GALNT17: variants seen among roughly 807,000 people sequenced by gnomAD.
The protein encoded by GALNT17 is polypeptide N-acetylgalactosaminyltransferase 17, also known as UDP-GalNAc:polypeptide N-acetylgalactosaminyltransferase-like 3.
A neutral mutation model predicts 63.7 loss-of-function variants in GALNT17; 29 were observed. The ratio of observed to expected loss-of-function variants is 0.46; its 90% confidence interval spans 0.34 to 0.62. The LOEUF (loss-of-function observed/expected upper bound fraction) is 0.62, where lower values mean the gene tolerates loss of function less well. GALNT17 is among the 20% of genes least tolerant of loss of function. GALNT17 has a pLI of 0.01. For missense variants in GALNT17, 603 were observed against 799.6 expected, an observed-to-expected ratio of 0.75 and a Z score of 2.97; for synonymous variants, 305 against 318.3, an observed-to-expected ratio of 0.96 and a Z score of 0.45.
intron 9 of GALNT17, among the ~76,000 whole-genome samples, chr7:71,703,017 G>A (rs776812423): frequency 2.0e-5 from 3 of 152,140 alleles, no homozygotes; most frequent in Non-Finnish European, 2.9e-5. Context: ...TACAAAGTTG[G>A]AATTGAGAGA....
intron 9 of GALNT17, among the ~76,000 whole-genome samples, chr7:71,686,472 C>T (rs944099825): frequency 4.6e-5 from 7 of 152,224 alleles, no homozygotes; most frequent in African/African-American, 1.7e-4. Flanking sequence ...CCTTGAACTC[C>T]TGGGCTCAAG....
At chr7:71,206,136 G>GTA (rs55959718) in intron 1 of GALNT17, among the ~76,000 whole-genome samples, 7 of 147,466 alleles carry the variant, frequency 4.7e-5, no homozygotes, top group South Asian at 2.1e-4. Context: ...GTTTGTGTGT[G>GTA]TATATATATA....
intron 5 of GALNT17, among the ~76,000 whole-genome samples, chr7:71,492,861 G>A (rs1788033474): frequency 6.6e-6 from 1 of 152,146 alleles, no homozygotes; most frequent in Non-Finnish European, 1.5e-5. Context: ...GAGTTTGGGG[G>A]TGGATTATGA....
intron 1 of GALNT17, among the ~76,000 whole-genome samples, chr7:71,202,156 T>C (rs1789186522): frequency 1.3e-5 from 2 of 152,196 alleles, no homozygotes; most frequent in African/African-American, 2.4e-5. Flanking sequence ...GCATTTTACA[T>C]AAAACAATAT....
chr7:71,710,679 C>T (rs978987582), intron 9 of GALNT17, 82 bp from the exon 10 acceptor site: 13 of 1,510,856 alleles, frequency 8.6e-6, no homozygotes, highest in African/African-American at 5.5e-5. Context: ...GGAGTAAAGC[C>T]GAGAGACCTG....
intron 5 of GALNT17, among the ~76,000 whole-genome samples, chr7:71,570,593 C>A (rs1336326249): frequency 2.0e-5 from 3 of 152,138 alleles, no homozygotes; most frequent in Non-Finnish European, 4.4e-5. Context: ...GGGACCGCTT[C>A]CTATGTGTGC....
At chr7:71,394,311 A>G (rs1472391037) in intron 3 of GALNT17, among the ~76,000 whole-genome samples, 1 of 152,118 alleles carries the variant, frequency 6.6e-6, no homozygotes, top group Non-Finnish European at 1.5e-5. Context: ...TTCCATAAGA[A>G]TGGCACCAAG....
intron 1 of GALNT17, among the ~76,000 whole-genome samples, chr7:71,175,100 CTG>C (rs967254985): frequency 9.9e-5 from 15 of 152,234 alleles, no homozygotes; most frequent in Non-Finnish European, 1.9e-4. Flanking sequence ...ATCCATCAGT[CTG>C]TCTGTCCGTC....
intron 6 of GALNT17, among the ~76,000 whole-genome samples, chr7:71,575,682 C>T (rs918676303): frequency 1.3e-5 from 2 of 152,086 alleles, no homozygotes; most frequent in Non-Finnish European, 2.9e-5. Flanking sequence ...GCCACCGTGC[C>T]CGGCCATTTT....
At chr7:71,375,145 A>T (rs1253719391) in intron 2 of GALNT17, among the ~76,000 whole-genome samples, 1 of 152,056 alleles carries the variant, frequency 6.6e-6, no homozygotes, top group Non-Finnish European at 1.5e-5. Context: ...TGGCTGGAAG[A>T]TTTTATAAGT....
chr7:71,623,621 G>A (rs28666715), intron 6 of GALNT17, among the ~76,000 whole-genome samples: 9,095 of 151,686 alleles, frequency 0.06, 421 homozygotes, highest in African/African-American at 0.13. Context: ...CTGGAGTGCC[G>A]GACAAGGTTT....
intron 1 of GALNT17, among the ~76,000 whole-genome samples, chr7:71,282,397 G>A (rs1790793696): frequency 6.6e-6 from 1 of 152,218 alleles, no homozygotes; most frequent in Non-Finnish European, 1.5e-5. Context: ...TGAAGGAAGA[G>A]TAGCAATGCA....
chr7:71,377,141 A>ATAT (rs1563047778), intron 2 of GALNT17, among the ~76,000 whole-genome samples: 5 of 129,472 alleles, frequency 3.9e-5, no homozygotes, highest in South Asian at 2.4e-4. Flanking sequence ...ATATATATAT[A>ATAT]AAATCTCCTT....
At chr7:71,617,051 AT>A (rs1790221063) in intron 6 of GALNT17, among the ~76,000 whole-genome samples, 1 of 147,166 alleles carries the variant, frequency 6.8e-6, no homozygotes, top group Non-Finnish European at 1.5e-5. Flanking sequence ...AAATATATTA[AT>A]TATGCCACAT....
intron 6 of GALNT17, among the ~76,000 whole-genome samples, chr7:71,629,068 G>A (rs1021023058): frequency 1.3e-5 from 2 of 152,200 alleles, no homozygotes; most frequent in African/African-American, 4.8e-5. Context: ...GGGCCTAGAA[G>A]AGGGGTCTAG....
chr7:71,660,081 T>A (rs1461050607), intron 6 of GALNT17, among the ~76,000 whole-genome samples: 5 of 152,238 alleles, frequency 3.3e-5, no homozygotes. Context: ...AGCAAGGACC[T>A]TGTCTACTAG....
At chr7:71,558,170 G>A (rs1157521855) in intron 5 of GALNT17, among the ~76,000 whole-genome samples, 1 of 152,182 alleles carries the variant, frequency 6.6e-6, no homozygotes, top group Non-Finnish European at 1.5e-5. Flanking sequence ...CTAGCACAGA[G>A]GTTGGTGAAA....
rs577826585 is a variant in GALNT17, at chr7:71,257,044, C to T, written c.239-78506C>T. On this transcript the variant is annotated intron_variant, in intron 1 of 10. Transcript: ENST00000333538. ...TTCCTGCTGGGTGGCTGAGCGGCCT[C>T]TGTGTGACCACTTCTGGGGACATTA... 2.2e-4 allele frequency among the ~76,000 whole-genome samples: 33 copies of T among 152,306 alleles called. 1 individual carries two copies. The highest frequency in any genetic ancestry group is 7.7e-4 in the African/African-American group (32 of 41,564).
chr7:71,676,845 T>C (rs921975047), intron 8 of GALNT17, among the ~76,000 whole-genome samples: 4 of 152,116 alleles, frequency 2.6e-5, no homozygotes, highest in Non-Finnish European at 5.9e-5. Context: ...TAGAAGCCAC[T>C]GAGAAGCTTA....
Sources: allele counts gnomAD v4.1 joint callset (sites outside exome capture counted in the v4.1 genomes callset), GRCh38; gene constraint gnomAD v4.1.1; transcripts MANE v1.5; gene names NCBI Gene and HGNC (gene_info 2026-07-23, HGNC 2026-07-21).